FARS2: variants seen among roughly 807,000 people sequenced by gnomAD.
FARS2 encodes phenylalanyl-tRNA synthetase 2, mitochondrial.
In FARS2, 40 loss-of-function variants were observed where a neutral mutation model predicts 46.4. That is an observed-to-expected ratio of 0.86 (90% CI 0.67 to 1.12). FARS2 has a LOEUF of 1.12. Among genes scored for constraint, FARS2 ranks in the 50% most tolerant of loss-of-function variants. The probability of loss-of-function intolerance (pLI) is 0.00; values close to 1 mark genes in which losing one functional copy is unlikely to be tolerated. For missense variants in FARS2, 513 were observed against 567.9 expected (o/e 0.90, Z 0.98); for synonymous variants, 234 against 214.9 (o/e 1.09, Z -0.78).
At chr6:5,437,429 G>A (rs1469006835) in intron 4 of FARS2, among the ~76,000 whole-genome samples, 3 of 152,100 alleles carry the variant, frequency 2.0e-5, no homozygotes, top group Non-Finnish European at 2.9e-5. Flanking sequence ...TACTCTATCA[G>A]TTGCTCAGAA....
chr6:5,282,629 C>T (rs1347292700), intron 1 of FARS2, among the ~76,000 whole-genome samples: 2 of 152,172 alleles, frequency 1.3e-5, no homozygotes, highest in Admixed American at 6.5e-5. Context: ...GGCTTGGGCC[C>T]GTGTGGAGCA....
At chr6:5,449,477 A>G (rs1764365809) in intron 4 of FARS2, among the ~76,000 whole-genome samples, 1 of 152,128 alleles carries the variant, frequency 6.6e-6, no homozygotes, top group Admixed American at 6.5e-5. Context: ...GGTTTCAGAA[A>G]AATAAATATT....
At chr6:5,367,180 A>G (rs950778781) in intron 1 of FARS2, among the ~76,000 whole-genome samples, 2 of 152,258 alleles carry the variant, frequency 1.3e-5, no homozygotes, top group East Asian at 1.9e-4. Context: ...GTCCAGGGAC[A>G]GACTGTGCTT....
At chr6:5,476,968 T>C (rs1307747397) in intron 4 of FARS2, among the ~76,000 whole-genome samples, 2 of 152,116 alleles carry the variant, frequency 1.3e-5, no homozygotes, top group East Asian at 1.9e-4. Context: ...TAGCTGGTAG[T>C]TGAGAATGTA....
intron 6 of FARS2, among the ~76,000 whole-genome samples, chr6:5,637,236 T>A (rs776258756): frequency 2.0e-5 from 3 of 152,240 alleles, no homozygotes; most frequent in Admixed American, 1.3e-4. Context: ...AGGCCTTAGA[T>A]ACCAAGAGCT....
chr6:5,747,128 C>T (rs1761692027), intron 6 of FARS2, among the ~76,000 whole-genome samples: 1 of 152,120 alleles, frequency 6.6e-6, no homozygotes, highest in Non-Finnish European at 1.5e-5. Flanking sequence ...TGGACACCAG[C>T]CAAGAGAGGC....
intron 1 of FARS2, among the ~76,000 whole-genome samples, chr6:5,283,965 A>T (rs1766937581): frequency 6.6e-6 from 1 of 152,254 alleles, no homozygotes; most frequent in Admixed American, 6.5e-5. Context: ...GAAATAAAGG[A>T]TATATGCATT....
At chr6:5,304,046 C>G (rs549658255) in intron 1 of FARS2, among the ~76,000 whole-genome samples, 87 of 152,132 alleles carry the variant, frequency 5.7e-4, no homozygotes, top group Admixed American at 2.6e-3. Context: ...TGGTGTGGCT[C>G]TGTATCCTTG....
chr6:5,523,416 CTTTT>C (rs74406753), intron 4 of FARS2, among the ~76,000 whole-genome samples: 1 of 140,864 alleles, frequency 7.1e-6, no homozygotes, highest in Non-Finnish European at 1.5e-5. Flanking sequence ...CATATGCTAT[CTTTT>C]TTTTTTTTTT....
intron 6 of FARS2, among the ~76,000 whole-genome samples, chr6:5,636,592 C>A (rs1429463159): frequency 6.6e-6 from 1 of 152,206 alleles, no homozygotes; most frequent in Non-Finnish European, 1.5e-5. Context: ...GAATGGCAGT[C>A]TGCAGAGAGC....
chr6:5,760,955 C>T (rs562069505), intron 6 of FARS2, among the ~76,000 whole-genome samples: 3 of 152,272 alleles, frequency 2.0e-5, no homozygotes, highest in East Asian at 3.9e-4. Context: ...GTAGGTCATG[C>T]GCCGTCTGAA....
rs143343183 is a variant in FARS2, at chr6:5,672,355, A to G, written c.1217+59035A>G. On this transcript the variant is annotated intron_variant, in intron 6 of 6. Transcript: ENST00000274680. Reference sequence around the variant, plus strand: ...TCAGTCCCACCGTGACGCAGCTTACAAGCTGCAGAACCGTCTGCCTCTCAA... The same window carrying G: ...TCAGTCCCACCGTGACGCAGCTTACGAGCTGCAGAACCGTCTGCCTCTCAA... Among the ~76,000 whole-genome samples, 79 of 152,256 alleles carry G rather than the reference A, an allele frequency of 5.2e-4. 1 individual carries two copies. The highest frequency in any genetic ancestry group is 1.9e-3 in the African/African-American group (77 of 41,546).
chr6:5,684,567 A>G (rs1356474541), intron 6 of FARS2, among the ~76,000 whole-genome samples: 3 of 152,208 alleles, frequency 2.0e-5, no homozygotes, highest in African/African-American at 7.2e-5. Context: ...ACCCTAGAGT[A>G]AGCCAGCTGT....
At chr6:5,537,438 T>C (rs1331748719) in intron 4 of FARS2, among the ~76,000 whole-genome samples, 4 of 147,074 alleles carry the variant, frequency 2.7e-5, no homozygotes, top group African/African-American at 7.5e-5. Flanking sequence ...TCCTCTCGAG[T>C]TGGAGATGTC....
chr6:5,642,784 G>A (rs1393416213), intron 6 of FARS2, among the ~76,000 whole-genome samples: 5 of 152,190 alleles, frequency 3.3e-5, no homozygotes, highest in East Asian at 3.8e-4. Context: ...GTAGTTGCTC[G>A]TTATTTTGAG....
At chr6:5,376,208 T>C (rs1280352929) in intron 2 of FARS2, among the ~76,000 whole-genome samples, 1 of 152,222 alleles carries the variant, frequency 6.6e-6, no homozygotes, top group Non-Finnish European at 1.5e-5. Flanking sequence ...GCTTTTACTA[T>C]TCTTTAAACA....
chr6:5,346,421 G>A (rs965497099), intron 1 of FARS2, among the ~76,000 whole-genome samples: 3 of 152,138 alleles, frequency 2.0e-5, no homozygotes, highest in Non-Finnish European at 4.4e-5. Context: ...TAGAATTGCT[G>A]TGGTTTCCTC....
At chr6:5,472,616 C>T (rs1002409997) in intron 4 of FARS2, among the ~76,000 whole-genome samples, 20 of 152,264 alleles carry the variant, frequency 1.3e-4, no homozygotes, top group African/African-American at 4.3e-4. Flanking sequence ...AGAAGCATGA[C>T]TGATTAAATT....
chr6:5,261,891 G>A (rs1372729214), intron 1 of FARS2, among the ~76,000 whole-genome samples: 1 of 152,230 alleles, frequency 6.6e-6, no homozygotes, highest in Non-Finnish European at 1.5e-5. Flanking sequence ...AGCGGAGCAA[G>A]TTTTCAACCA....
Sources: gnomAD v4.1 joint callset for allele counts (sites outside exome capture counted in the v4.1 genomes callset) on GRCh38, gnomAD v4.1.1 for gene constraint, MANE v1.5 for transcripts, NCBI Gene and HGNC (gene_info 2026-07-23, HGNC 2026-07-21) for gene names.